SNAP25: variants seen among roughly 807,000 people sequenced by gnomAD.
The protein encoded by SNAP25 is synaptosomal-associated protein 25.
A neutral mutation model predicts 28.7 loss-of-function variants in SNAP25; 3 were observed. The observed-to-expected ratio is 0.10, with a 90% CI of 0.05 to 0.27. The LOEUF is 0.27. Among genes scored for constraint, SNAP25 ranks in the 10% least tolerant of loss-of-function variants. The probability of loss-of-function intolerance (pLI) is 1.00; values close to 1 mark genes in which losing one functional copy is unlikely to be tolerated. For missense variants in SNAP25, 117 were observed against 278.7 expected, an observed-to-expected ratio of 0.42 and a Z score of 4.13; for synonymous variants, 61 against 88.1, an observed-to-expected ratio of 0.69 and a Z score of 1.72.
intron 1 of SNAP25, among the ~76,000 whole-genome samples, chr20:10,227,729 A>G (rs1018347442): frequency 7.2e-5 from 11 of 152,110 alleles, no homozygotes; most frequent in African/African-American, 2.7e-4. Flanking sequence ...GCCATTCACT[A>G]AGAGCATTTA....
intron 1 of SNAP25, among the ~76,000 whole-genome samples, chr20:10,225,941 C>T (rs1186451746): frequency 6.6e-6 from 1 of 152,150 alleles, no homozygotes; most frequent in African/African-American, 2.4e-5. Flanking sequence ...CAGCCCTACA[C>T]TCCTGCCTCA....
chr20:10,274,293 C>T (rs1425638065), intron 1 of SNAP25, among the ~76,000 whole-genome samples: 2 of 152,162 alleles, frequency 1.3e-5, no homozygotes, highest in Non-Finnish European at 2.9e-5. Context: ...AGCTCACCCT[C>T]ACACAAGCCC....
At chr20:10,245,782 G>T (rs554225725) in intron 1 of SNAP25, among the ~76,000 whole-genome samples, 2 of 152,130 alleles carry the variant, frequency 1.3e-5, no homozygotes, top group Non-Finnish European at 2.9e-5. Context: ...TTATGATAAG[G>T]TGCCATAACT....
chr20:10,232,897 C>G (rs1600649661), intron 1 of SNAP25, among the ~76,000 whole-genome samples: 1 of 152,120 alleles, frequency 6.6e-6, no homozygotes, highest in African/African-American at 2.4e-5. Context: ...ATGCCCCTTT[C>G]CCGCAATAAC....
At chr20:10,229,875 G>A (rs1210177392) in intron 1 of SNAP25, among the ~76,000 whole-genome samples, 4 of 151,990 alleles carry the variant, frequency 2.6e-5, no homozygotes, top group South Asian at 2.1e-4. Context: ...TAGGCATTTT[G>A]TTAAGCAGAA....
rs202210406 is a variant in SNAP25, at chr20:10,275,442, C to T, written c.-50C>T. On this transcript the variant is annotated 5_prime_UTR_variant, in exon 2 of 8. Transcript: ENST00000254976. Reference sequence around the variant, plus strand: ...ACTTCTTCCCAGGTCCAGAGCCAAACCCGTCACTGACCCCCCAGCCCAGGC... The same window carrying T: ...ACTTCTTCCCAGGTCCAGAGCCAAATCCGTCACTGACCCCCCAGCCCAGGC... 2 of 1,538,278 alleles carry T rather than the reference C, an allele frequency of 1.3e-6. No individual in the cohort carries two copies. The highest frequency in any genetic ancestry group is 2.3e-5 in the East Asian group (1 of 42,896).
At chr20:10,245,691 TAC>T (rs34503380) in intron 1 of SNAP25, among the ~76,000 whole-genome samples, 41,194 of 150,738 alleles carry the variant, frequency 0.27, 5,886 homozygotes, top group Middle Eastern at 0.4. Context: ...CTTCATCTTA[TAC>T]ACACACACAC....
At chr20:10,246,008 C>T (rs983933723) in intron 1 of SNAP25, among the ~76,000 whole-genome samples, 5 of 152,170 alleles carry the variant, frequency 3.3e-5, no homozygotes, top group Non-Finnish European at 5.9e-5. Context: ...CCCTTCAGCC[C>T]AGGTAACTAG....
chr20:10,299,116 T>C, intron 6 of SNAP25, 152 bp from the exon 7 acceptor site: 2 of 847,690 alleles, frequency 2.4e-6, no homozygotes, highest in African/African-American at 1.7e-5. Context: ...TTTAAATGTA[T>C]GAAAGCTAAA....
intron 5 of SNAP25, 32 bp from the exon 6 acceptor site, chr20:10,296,893 G>A (rs754577557): frequency 5.6e-6 from 9 of 1,613,270 alleles, no homozygotes; most frequent in Non-Finnish European, 7.6e-6. Flanking sequence ...CTCCACCCCT[G>A]TGCCTTGTCA....
intron 4 of SNAP25, among the ~76,000 whole-genome samples, chr20:10,290,447 A>G (rs906587611): frequency 6.6e-6 from 1 of 152,182 alleles, no homozygotes; most frequent in Non-Finnish European, 1.5e-5. Flanking sequence ...TTGCCAAATT[A>G]AGCTGGTAAC....
chr20:10,279,093 A>T (rs917885782), intron 3 of SNAP25, among the ~76,000 whole-genome samples: 3 of 152,238 alleles, frequency 2.0e-5, no homozygotes, highest in Non-Finnish European at 4.4e-5. Context: ...GCAATATTTT[A>T]TCTGCACTGT....
chr20:10,301,322 C>T (rs1329001786), intron 7 of SNAP25, among the ~76,000 whole-genome samples: 2 of 152,156 alleles, frequency 1.3e-5, no homozygotes, highest in African/African-American at 4.8e-5. Flanking sequence ...CAATTTGTAT[C>T]ATTCCTTGAG....
chr20:10,284,197 C>G (rs2063831763), intron 3 of SNAP25, among the ~76,000 whole-genome samples: 2 of 151,984 alleles, frequency 1.3e-5, no homozygotes, highest in African/African-American at 2.4e-5. Context: ...GTTTCCCAAC[C>G]TTTGTAAAGC....
At chr20:10,241,111 G>A (rs781145797) in intron 1 of SNAP25, among the ~76,000 whole-genome samples, 31 of 152,132 alleles carry the variant, frequency 2.0e-4, no homozygotes, top group Non-Finnish European at 4.1e-4. Context: ...GGCCGACATG[G>A]GCTTTCCTGA....
At chr20:10,277,346 TAGTCCTCTG>T (rs970807894) in intron 2 of SNAP25, among the ~76,000 whole-genome samples, 40 of 152,360 alleles carry the variant, frequency 2.6e-4, no homozygotes, top group African/African-American at 9.1e-4. Flanking sequence ...GAGGCCAAAT[TAGTCCTCTG>T]AGTAATTGAG....
intron 1 of SNAP25, among the ~76,000 whole-genome samples, chr20:10,255,396 G>A (rs1411928175): frequency 6.6e-6 from 1 of 152,146 alleles, no homozygotes. Flanking sequence ...GAGACTAGGT[G>A]GGAGAGGGTG....
intron 3 of SNAP25, among the ~76,000 whole-genome samples, chr20:10,283,666 ATC>A (rs1290007802): frequency 6.6e-6 from 1 of 152,248 alleles, no homozygotes; most frequent in African/African-American, 2.4e-5. Context: ...CTCCACTAGT[ATC>A]TCTCTCTTTC....
At chr20:10,246,092 T>C (rs574323110) in intron 1 of SNAP25, among the ~76,000 whole-genome samples, 96 of 152,364 alleles carry the variant, frequency 6.3e-4, no homozygotes, top group Non-Finnish European at 9.4e-4. Context: ...CACTTCTGTC[T>C]AAAGTCTGCT....
Sources: allele counts gnomAD v4.1 joint callset (sites outside exome capture counted in the v4.1 genomes callset), GRCh38; gene constraint gnomAD v4.1.1; transcripts MANE v1.5; gene names NCBI Gene and HGNC (gene_info 2026-07-23, HGNC 2026-07-21).